Variants in COP1 observed in about 807,000 individuals in gnomAD.
The protein encoded by COP1 is COP1 E3 ubiquitin ligase.
In COP1, 24 loss-of-function variants were observed where a neutral mutation model predicts 101.3. That is an observed-to-expected ratio of 0.24 (90% confidence interval 0.17 to 0.33). The LOEUF (loss-of-function observed/expected upper bound fraction) is 0.33, where lower values mean the gene tolerates loss of function less well. Ranked by LOEUF, COP1 falls within the 10% of genes least tolerant of loss-of-function variation. The probability of loss-of-function intolerance (pLI) is 1.00; values close to 1 mark genes in which losing one functional copy is unlikely to be tolerated. For missense variants in COP1, 663 were observed against 906.2 expected (o/e 0.73, Z 3.45); for synonymous variants, 347 against 341.9 (o/e 1.01, Z -0.17).
intron 15 of COP1, among the ~76,000 whole-genome samples, chr1:176,007,077 A>G (rs929033370): frequency 6.6e-6 from 1 of 151,834 alleles, no homozygotes; most frequent in Non-Finnish European, 1.5e-5. Flanking sequence ...TAAACTTCCC[A>G]TCTCGCTTCA....
intron 18 of COP1, among the ~76,000 whole-genome samples, chr1:175,967,516 CAAACA>C (rs1558170476): frequency 5.3e-4 from 54 of 101,288 alleles, no homozygotes; most frequent in African/African-American, 1.6e-3. Flanking sequence ...AACAAACAAA[CAAACA>C]AACCCAGCTG....
chr1:175,953,652 AC>A (rs1650238030), intron 18 of COP1, among the ~76,000 whole-genome samples: 1 of 152,048 alleles, frequency 6.6e-6, no homozygotes, highest in South Asian at 2.1e-4. Flanking sequence ...CACCACGCAA[AC>A]ATTAATCGTA....
At position 176,077,183 on chromosome 1, in the gene COP1, T is replaced by G. The variant is rs558755157; in HGVS notation, c.1277+3969A>C. On this transcript the variant is annotated intron_variant, in intron 11 of 19. Transcript: ENST00000367669. Reference sequence around the variant, plus strand: ...AGAGACACAATGATAAAAGAAAACTTTGGGCAAATATCCCTCATAAACACA... The same window carrying G: ...AGAGACACAATGATAAAAGAAAACTGTGGGCAAATATCCCTCATAAACACA... 2.6e-5 allele frequency among the ~76,000 whole-genome samples: 4 copies of G among 152,168 alleles called. No individual in the cohort carries two copies. In the East Asian group the frequency reaches 5.8e-4, roughly 22 times the overall value.
intron 14 of COP1, among the ~76,000 whole-genome samples, chr1:176,029,299 A>G (rs1668266442): frequency 6.6e-6 from 1 of 152,198 alleles, no homozygotes; most frequent in Non-Finnish European, 1.5e-5. Context: ...TAAGTAGTCT[A>G]AGCCAGTGAT....
chr1:176,053,485 T>C (rs949947326), intron 11 of COP1, among the ~76,000 whole-genome samples: 3 of 152,212 alleles, frequency 2.0e-5, no homozygotes, highest in Admixed American at 2.0e-4. Flanking sequence ...TTGTTAATTA[T>C]TTTAATAACT....
At chr1:175,983,738 G>A (rs1374044472) in intron 18 of COP1, among the ~76,000 whole-genome samples, 1 of 152,174 alleles carries the variant, frequency 6.6e-6, no homozygotes, top group Non-Finnish European at 1.5e-5. Flanking sequence ...GATAATGATG[G>A]ACATGAAATC....
chr1:176,012,196 C>T (rs1664805987), intron 15 of COP1, among the ~76,000 whole-genome samples: 1 of 152,158 alleles, frequency 6.6e-6, no homozygotes, highest in Admixed American at 6.5e-5. Flanking sequence ...AACAGTGGTG[C>T]AATAATGGCT....
At chr1:176,063,797 C>T (rs569674808) in intron 11 of COP1, among the ~76,000 whole-genome samples, 1 of 152,298 alleles carries the variant, frequency 6.6e-6, no homozygotes, top group Non-Finnish European at 1.5e-5. Context: ...TTCTGCTATA[C>T]ATACCAGAAC....
At chr1:176,013,790 C>A (rs1665108403) in intron 15 of COP1, among the ~76,000 whole-genome samples, 1 of 152,150 alleles carries the variant, frequency 6.6e-6, no homozygotes, top group African/African-American at 2.4e-5. Context: ...GCAGTGCTTG[C>A]AGAAAAAATT....
chr1:176,055,110 G>A (rs1327712617), intron 11 of COP1, among the ~76,000 whole-genome samples: 1 of 152,082 alleles, frequency 6.6e-6, no homozygotes, highest in African/African-American at 2.4e-5. Context: ...AGTCTACTTT[G>A]GTCATTCCTC....
In COP1 at chr1:176,206,768, C is replaced by A; in HGVS notation, c.211G>T (p.Ala71Ser). ...LGGPVRPVLV[A>S]PAVSGSGGGA... The stretch of plus-strand genomic sequence containing the variant: ...CCGCCGCTACCCGATACGGCGGGCG[C>A]CACCAACACAGGCCGCACCGGGCCC... The change falls in exon 1 of 20, where the codon GCG (alanine) becomes TCG (serine). Residue 71 changes from alanine to serine, a missense_variant. Physicochemically the swap from Ala to Ser is moderately conservative, Grantham distance 99 (BLOSUM62 1). Around this residue, in one of 4 missense-constraint regions of COP1, gnomAD observed 204 missense variants for 203.6 expected, o/e 1.00. Transcript: ENST00000367669. The A allele has an allele frequency of 1.3e-6, 2 of 1,495,744 alleles. No individual in the cohort carries two copies. Among genetic ancestry groups the A allele is most frequent in the East Asian group, 2.7e-5 (1 of 36,864 alleles). 92.7% of individuals were successfully genotyped at this position (1,495,744 alleles called of 1,614,324 possible). A position where few individuals can be genotyped will look rare whatever the true frequency, so the allele number is the denominator to read the frequency against.
At chr1:175,951,628 C>T (rs1196250219) in intron 18 of COP1, among the ~76,000 whole-genome samples, 1 of 151,712 alleles carries the variant, frequency 6.6e-6, no homozygotes, top group African/African-American at 2.4e-5. Flanking sequence ...CCTATAATCA[C>T]CCTGGTTTTC....
At chr1:175,957,568 C>A (rs766117467) in intron 18 of COP1, among the ~76,000 whole-genome samples, 6 of 152,160 alleles carry the variant, frequency 3.9e-5, no homozygotes, top group Non-Finnish European at 8.8e-5. Context: ...CAAAACGTAT[C>A]CCCATTGTTA....
chr1:176,158,630 C>CTTTTT lies in COP1; in HGVS notation c.762+4234_762+4238dup, dbSNP rs35518162. On this transcript the variant is annotated intron_variant, in intron 5 of 19. Coordinates refer to ENST00000367669, the MANE Select transcript of COP1 (RefSeq NM_022457.7). The stretch of plus-strand genomic sequence containing the variant: ...ATGAAAGTATACTGTTTTTAAGGTT[C>CTTTTT]TTTTTTTTTTTTTTTTTTTTTTTTG... Among the ~76,000 whole-genome samples, 675 of 79,374 alleles carry CTTTTT rather than the reference C, an allele frequency of 8.5e-3. 6 individuals are homozygous for CTTTTT. Among genetic ancestry groups the CTTTTT allele is most frequent in the African/African-American group, 0.015 (302 of 19,850 alleles). 52.1% of individuals were successfully genotyped at this position (79,374 alleles called of 152,430 possible). A position where few individuals can be genotyped will look rare whatever the true frequency, so the allele number is the denominator to read the frequency against.
In COP1 at chr1:175,996,671, T is replaced by C. The variant is rs1386182732; in HGVS notation, c.1730-7192A>G. The stretch of plus-strand genomic sequence containing the variant: ...CAACTGCTTCAAAGAGAATAAAATA[T>C]CTAGGAATCCAACTTACAAGGGACA... On this transcript the variant is annotated intron_variant, in intron 15 of 19. Coordinates refer to ENST00000367669, the MANE Select transcript of COP1 (RefSeq NM_022457.7). Among the ~76,000 whole-genome samples the C allele has an allele frequency of 1.1e-3, 164 of 152,072 alleles. 3 individuals are homozygous for C. The East Asian group carries it at 0.011, about 10-fold the overall frequency.
intron 18 of COP1, among the ~76,000 whole-genome samples, chr1:175,960,596 GGAAAT>G (rs1651217760): frequency 6.6e-6 from 1 of 152,096 alleles, no homozygotes; most frequent in African/African-American, 2.4e-5. Context: ...AAAATCATGA[GGAAAT>G]GAAGACTGTT....
At chr1:176,089,028 C>T (rs1035142224) in intron 9 of COP1, among the ~76,000 whole-genome samples, 8 of 150,154 alleles carry the variant, frequency 5.3e-5, no homozygotes, top group Middle Eastern at 7.1e-3. Context: ...TTAGGCCGGG[C>T]GTGGTGGCTC....
chr1:176,152,612 T>A (rs1172921996), intron 5 of COP1, among the ~76,000 whole-genome samples: 1 of 152,106 alleles, frequency 6.6e-6, no homozygotes, highest in Non-Finnish European at 1.5e-5. Context: ...CATGTCCAGC[T>A]AATTTTTGTA....
chr1:175,993,333 G>A (rs2148788352), intron 15 of COP1, among the ~76,000 whole-genome samples: 1 of 152,342 alleles, frequency 6.6e-6, no homozygotes, highest in Admixed American at 6.5e-5. Flanking sequence ...AAAAAGCAGA[G>A]TGCCTCTCCT....
Sources: allele counts gnomAD v4.1 joint callset (sites outside exome capture counted in the v4.1 genomes callset), GRCh38; gene constraint gnomAD v4.1.1; regional missense constraint gnomAD v4.1.1; transcripts MANE v1.5; gene names NCBI Gene and HGNC (gene_info 2026-07-23, HGNC 2026-07-21).